ADGRV1: variants seen among roughly 807,000 people sequenced by gnomAD.
ADGRV1 encodes the protein G-protein coupled receptor 98.
Under a neutral mutation model 596.2 loss-of-function variants are expected in ADGRV1, and 359 were observed. That is an observed-to-expected ratio of 0.60 (90% CI 0.55 to 0.66). The LOEUF is 0.66. Ranked by LOEUF, ADGRV1 falls within the 30% of genes least tolerant of loss-of-function variation. The pLI is 0.00. For missense variants in ADGRV1, 7,274 were observed against 7,575.6 expected (o/e 0.96, Z 1.48); for synonymous variants, 2,681 against 2,679.2 (o/e 1.00, Z -0.02).
chr5:90,809,965 G>A (rs1762284519), intron 73 of ADGRV1, among the ~76,000 whole-genome samples: 1 of 152,282 alleles, frequency 6.6e-6, no homozygotes, highest in Non-Finnish European at 1.5e-5. Context: ...AGCTGCTCTG[G>A]GATGATGGAG....
rs757029909 is a variant in ADGRV1, at chr5:91,014,136, C to CCCCACACACACACACACACACACACACA, written c.18152+28615_18152+28616insCCACACACACACACACACACACACACAC. The stretch of plus-strand genomic sequence containing the variant: ...TCATAGGCAATCCCATTCACAATTG[C>CCCCACACACACACACACACACACACACA]CACACACACACACACACACACACAC... On this transcript the variant is annotated intron_variant, in intron 85 of 89. Coordinates refer to ENST00000405460, the MANE Select transcript of ADGRV1 (RefSeq NM_032119.4). 1.3e-3 allele frequency among the ~76,000 whole-genome samples: 46 copies of CCCCACACACACACACACACACACACACA among 35,682 alleles called. 2 individuals carry two copies. In the East Asian group the frequency reaches 0.023, roughly 18 times the overall value. 23.4% of individuals were successfully genotyped at this position (35,682 alleles called of 152,430 possible).
chr5:90,705,031 A>G (rs541842281), intron 36 of ADGRV1, among the ~76,000 whole-genome samples: 84 of 152,208 alleles, frequency 5.5e-4, no homozygotes, highest in Non-Finnish European at 9.7e-4. Context: ...GATGATCTCA[A>G]TCTCTTGATC....
intron 2 of ADGRV1, among the ~76,000 whole-genome samples, chr5:90,616,008 G>C (rs1393924089): frequency 6.6e-6 from 1 of 151,956 alleles, no homozygotes; most frequent in African/African-American, 2.4e-5. Flanking sequence ...ATTGTTAAAC[G>C]ATTTTCATAG....
chr5:90,614,944 T>A lies in ADGRV1; in HGVS notation c.132T>A (p.Asn44Lys). 6.3e-7 allele frequency: 1 copy of A among 1,597,424 alleles called. No homozygotes were observed. Among genetic ancestry groups the A allele is most frequent in the South Asian group, 1.1e-5 (1 of 88,476 alleles). ...RFTGQTEFVV[N>K]ETSTTVIRLI... Reference sequence around the variant, plus strand: ...CTGGACAAACTGAATTTGTTGTTAATGAAACAAGTACAACAGTTATTCGTC... The same window carrying A: ...CTGGACAAACTGAATTTGTTGTTAAAGAAACAAGTACAACAGTTATTCGTC... The change falls in exon 2 of 90, where the codon AAT becomes AAA. Residue 44 changes from asparagine to lysine, a missense_variant. Asn to Lys is a moderately conservative substitution (Grantham distance 94). Coordinates refer to ENST00000405460, the MANE Select transcript of ADGRV1 (RefSeq NM_032119.4).
At chr5:90,983,600 CA>C (rs1780254514) in intron 84 of ADGRV1, among the ~76,000 whole-genome samples, 2 of 152,092 alleles carry the variant, frequency 1.3e-5, no homozygotes, top group East Asian at 1.9e-4. Context: ...TTGATTACCC[CA>C]GCAACAACAC....
intron 22 of ADGRV1, among the ~76,000 whole-genome samples, chr5:90,673,400 G>A (rs533234441): frequency 5.1e-4 from 78 of 152,206 alleles, no homozygotes; most frequent in African/African-American, 1.6e-3. Context: ...ATAAATCAAC[G>A]TATCATATAT....
intron 21 of ADGRV1, among the ~76,000 whole-genome samples, chr5:90,659,860 G>A (rs1056968091): frequency 6.6e-6 from 1 of 151,974 alleles, no homozygotes; most frequent in Admixed American, 6.6e-5. Context: ...GTGAAACCCC[G>A]TCTCTACTAA....
At position 90,680,916 on chromosome 5, in the gene ADGRV1, C is replaced by T. The variant is rs571612635; in HGVS notation, c.5525-399C>T. Among the ~76,000 whole-genome samples, 25 of 152,202 alleles carry T rather than the reference C, an allele frequency of 1.6e-4. 1 individual carries two copies. The highest frequency in any genetic ancestry group is 6.8e-3 in the Middle Eastern group (2 of 294). ...CACGTTGGAAACCAAGAATCTGTTC[C>T]GCCAGAATGGGAAACTACTTATTAT... On this transcript the variant is annotated intron_variant, in intron 26 of 89. Transcript: ENST00000405460.
At chr5:90,835,664 C>T (rs1299170848) in intron 77 of ADGRV1, among the ~76,000 whole-genome samples, 1 of 152,188 alleles carries the variant, frequency 6.6e-6, no homozygotes, top group Non-Finnish European at 1.5e-5. Context: ...GGAGATTTCT[C>T]ATGGAAAACC....
intron 58 of ADGRV1, among the ~76,000 whole-genome samples, chr5:90,761,682 T>G (rs1282862771): frequency 5.3e-5 from 8 of 152,230 alleles, no homozygotes. Flanking sequence ...AATAATATCG[T>G]TACAGCTACA....
chr5:90,626,150 C>T (rs773019616), intron 6 of ADGRV1: 20 of 152,108 alleles, frequency 1.3e-4, no homozygotes, highest in Non-Finnish European at 2.5e-4. Context: ...AACCCTCCCT[C>T]TACCCTCCTA....
intron 83 of ADGRV1, among the ~76,000 whole-genome samples, chr5:90,877,302 G>T (rs964335596): frequency 6.6e-6 from 1 of 152,206 alleles, no homozygotes; most frequent in Non-Finnish European, 1.5e-5. Flanking sequence ...CTGGTTAAGA[G>T]CTGATGGTGA....
rs1306687208 is a variant in ADGRV1 at position 90,855,671 on chromosome 5, C to T, written c.17595-70C>T. Reference sequence around the variant, plus strand: ...CACTTAATTTCAGTAAGCTATTTTTCTTTAAAAGCCATCTCAACACCTTCA... The same window carrying T: ...CACTTAATTTCAGTAAGCTATTTTTTTTTAAAAGCCATCTCAACACCTTCA... On this transcript the variant is annotated intron_variant, in intron 81 of 89. Coordinates refer to ENST00000405460, the MANE Select transcript of ADGRV1 (RefSeq NM_032119.4). 8.4e-6 allele frequency: 9 copies of T among 1,069,096 alleles called. No individual in the cohort carries two copies. The East Asian group carries it at 1.8e-4, about 21-fold the overall frequency. The allele number at this position is 1,069,096 out of a possible 1,614,324, so 66.2% of individuals were successfully genotyped here. A position where few individuals can be genotyped will look rare whatever the true frequency, so the allele number is the denominator to read the frequency against.
intron 85 of ADGRV1, among the ~76,000 whole-genome samples, chr5:91,047,722 A>G (rs946069598): frequency 6.6e-6 from 1 of 152,192 alleles, no homozygotes; most frequent in African/African-American, 2.4e-5. Flanking sequence ...TAACCATCAC[A>G]GTGTGACTAA....
intron 53 of ADGRV1, among the ~76,000 whole-genome samples, chr5:90,752,766 ACT>A (rs1248769720): frequency 6.6e-6 from 1 of 152,168 alleles, no homozygotes; most frequent in African/African-American, 2.4e-5. Context: ...TCATTGCAAC[ACT>A]CTTCGCAATA....
intron 1 of ADGRV1, among the ~76,000 whole-genome samples, chr5:90,570,867 A>G (rs1432507101): frequency 6.6e-6 from 1 of 151,730 alleles, no homozygotes; most frequent in Non-Finnish European, 1.5e-5. Flanking sequence ...TAGTTCTTTG[A>G]ATATATTTAA....
At chr5:90,997,928 G>A (rs1306933420) in intron 85 of ADGRV1, among the ~76,000 whole-genome samples, 2 of 152,194 alleles carry the variant, frequency 1.3e-5, no homozygotes, top group African/African-American at 4.8e-5. Flanking sequence ...GACAATAAGT[G>A]AGAGCCATAT....
chr5:90,831,551 T>C (rs757298659), intron 77 of ADGRV1, among the ~76,000 whole-genome samples: 8 of 152,112 alleles, frequency 5.3e-5, no homozygotes, highest in Non-Finnish European at 1.2e-4. Flanking sequence ...CATTTATCCT[T>C]CCTTTTTGTT....
rs1301866261 is a variant in ADGRV1 at position 91,003,818 on chromosome 5, A to G, written c.18152+18296A>G. ...CAGTCATCAAAATCAGTATGGGTAC[A>G]TGTATTCTTCCCGGTGGACTCAGAT... is the stretch of plus-strand genomic sequence containing the variant. On this transcript the variant is annotated intron_variant, in intron 85 of 89. Coordinates refer to ENST00000405460, the MANE Select transcript of ADGRV1 (RefSeq NM_032119.4). Among the ~76,000 whole-genome samples the G allele has an allele frequency of 2.6e-5, 4 of 152,186 alleles. 1 individual carries two copies. In the South Asian group the frequency reaches 8.3e-4, roughly 31 times the overall value.
Sources: allele counts gnomAD v4.1 joint callset (sites outside exome capture counted in the v4.1 genomes callset), GRCh38; gene constraint gnomAD v4.1.1; transcripts MANE v1.5; gene names NCBI Gene and HGNC (gene_info 2026-07-23, HGNC 2026-07-21).